The following TACR1 variants were observed in gnomAD, a reference collection of about 807,000 sequenced individuals.
The protein encoded by TACR1 is tachykinin receptor 1.
TACR1 carries 25 observed loss-of-function variants against 35.8 expected under a neutral mutation model. The observed-to-expected ratio is 0.70, with a 90% CI of 0.51 to 0.98. The LOEUF is 0.98. TACR1 is among the 50% of genes least tolerant of loss of function. The probability of loss-of-function intolerance (pLI) is 0.00; values close to 1 mark genes in which losing one functional copy is unlikely to be tolerated. For synonymous variants in TACR1, 195 were observed against 206.7 expected, an observed-to-expected ratio of 0.94 and a Z score of 0.48; for missense variants, 478 against 522.9, an observed-to-expected ratio of 0.91 and a Z score of 0.84.
intron 1 of TACR1, among the ~76,000 whole-genome samples, chr2:75,135,517 G>A (rs1674263815): frequency 1.3e-5 from 2 of 152,144 alleles, no homozygotes; most frequent in Non-Finnish European, 2.9e-5. Flanking sequence ...CCCGGCGCCC[G>A]TGCTATCCGT....
chr2:75,052,142 C>T (rs1672481213), intron 3 of TACR1, among the ~76,000 whole-genome samples: 1 of 152,218 alleles, frequency 6.6e-6, no homozygotes, highest in Non-Finnish European at 1.5e-5. Context: ...AATCCTAACC[C>T]CTAAGGTGAT....
At chr2:75,190,263 G>T (rs1444662704) in intron 1 of TACR1, among the ~76,000 whole-genome samples, 1 of 152,178 alleles carries the variant, frequency 6.6e-6, no homozygotes, top group Non-Finnish European at 1.5e-5. Flanking sequence ...TGACATAAAG[G>T]ATTGGAAATG....
At chr2:75,189,361 G>C (rs1675789926) in intron 1 of TACR1, 1 of 152,200 alleles carries the variant, frequency 6.6e-6, no homozygotes, top group Admixed American at 6.5e-5. Context: ...TGCCACTTTT[G>C]TTTGTATGAC....
Position 75,049,551 on chromosome 2 carries a change from G to T in TACR1, c.1105C>A (p.Pro369Thr), listed in dbSNP as rs776875476. ...GGTGTGGCCTTGGGGCCGTCCTCTG[G>T]CTCCTCCTCGTGGGCCCCCACCACT... Reference protein sequence around the residue: ...STVVGAHEEEPEDGPKATPSS... With the variant: ...STVVGAHEEETEDGPKATPSS... The change falls in exon 5 of 5, where the codon CCA becomes ACA. Residue 369 changes from proline (P) to threonine (T), a missense_variant. Pro to Thr is a conservative substitution (Grantham distance 38, BLOSUM62 -1). Coordinates refer to ENST00000305249, the MANE Select transcript of TACR1 (RefSeq NM_001058.4). 10 of 1,614,032 alleles carry T rather than the reference G, an allele frequency of 6.2e-6. No individual in the cohort carries two copies. Among genetic ancestry groups the T allele is most frequent in the Non-Finnish European group, 8.5e-6 (10 of 1,180,002 alleles).
At chr2:75,054,272 A>G (rs943335961) in intron 2 of TACR1, among the ~76,000 whole-genome samples, 7 of 152,254 alleles carry the variant, frequency 4.6e-5, no homozygotes, top group Non-Finnish European at 7.3e-5. Flanking sequence ...GAGAACTACC[A>G]TGATGGTTGA....
chr2:75,130,112 G>T (rs1268427975), intron 1 of TACR1, among the ~76,000 whole-genome samples: 1 of 152,194 alleles, frequency 6.6e-6, no homozygotes, highest in Admixed American at 6.5e-5. Flanking sequence ...ATATCTTAAT[G>T]TATTGCATTA....
At chr2:75,069,925 T>C (rs964295152) in intron 2 of TACR1, among the ~76,000 whole-genome samples, 2 of 151,846 alleles carry the variant, frequency 1.3e-5, no homozygotes, top group Non-Finnish European at 2.9e-5. Flanking sequence ...TTCCATACTC[T>C]AATCTTTGGA....
At chr2:75,080,346 A>G (rs1189954597) in intron 2 of TACR1, among the ~76,000 whole-genome samples, 2 of 152,198 alleles carry the variant, frequency 1.3e-5, no homozygotes, top group African/African-American at 2.4e-5. Flanking sequence ...GCACACACAC[A>G]TGCAGGCATA....
At chr2:75,133,338 CT>C (rs1674215015) in intron 1 of TACR1, among the ~76,000 whole-genome samples, 1 of 150,424 alleles carries the variant, frequency 6.6e-6, no homozygotes, top group Non-Finnish European at 1.5e-5. Flanking sequence ...TTTCATTTTT[CT>C]TTTGTCTAAT....
At chr2:75,194,076 C>T (rs953848404) in intron 1 of TACR1, among the ~76,000 whole-genome samples, 1 of 152,110 alleles carries the variant, frequency 6.6e-6, no homozygotes, top group African/African-American at 2.4e-5. Flanking sequence ...TCTTTATTTG[C>T]CTCCAATTCA....
At chr2:75,161,159 C>G (rs1675000166) in intron 1 of TACR1, among the ~76,000 whole-genome samples, 1 of 152,000 alleles carries the variant, frequency 6.6e-6, no homozygotes, top group South Asian at 2.1e-4. Flanking sequence ...ACCAAACCCC[C>G]CAAAACAAAC....
At chr2:75,147,404 T>G (rs1383682665) in intron 1 of TACR1, among the ~76,000 whole-genome samples, 1 of 152,192 alleles carries the variant, frequency 6.6e-6, no homozygotes, top group Non-Finnish European at 1.5e-5. Flanking sequence ...CCCTATAAAG[T>G]GTATTTTTAA....
intron 2 of TACR1, among the ~76,000 whole-genome samples, chr2:75,055,859 T>G (rs1409532570): frequency 2.0e-5 from 3 of 152,166 alleles, no homozygotes; most frequent in Admixed American, 1.3e-4. Context: ...GCCTGAGAAT[T>G]TGCATTTCTA....
intron 2 of TACR1, among the ~76,000 whole-genome samples, chr2:75,084,806 AT>A (rs1673160276): frequency 6.6e-6 from 1 of 151,870 alleles, no homozygotes; most frequent in Admixed American, 6.6e-5. Flanking sequence ...AGTCTATTTG[AT>A]TCTTCTCTCT....
chr2:75,162,239 C>A (rs1223795686), intron 1 of TACR1, among the ~76,000 whole-genome samples: 3 of 152,054 alleles, frequency 2.0e-5, no homozygotes, highest in Non-Finnish European at 4.4e-5. Context: ...ATACAGCCAT[C>A]CAATTAAAAG....
intron 1 of TACR1, among the ~76,000 whole-genome samples, chr2:75,130,932 A>G (rs762832890): frequency 1.5e-4 from 23 of 152,174 alleles, no homozygotes; most frequent in Admixed American, 4.6e-4. Context: ...TTCAATTCCA[A>G]TGTTTCTTGT....
intron 2 of TACR1, among the ~76,000 whole-genome samples, chr2:75,072,271 G>C (rs1037319030): frequency 1.3e-5 from 2 of 152,192 alleles, no homozygotes; most frequent in African/African-American, 4.8e-5. Context: ...GCCAGGTCAA[G>C]GATGCAGGAC....
rs147728118 is a variant in TACR1 at position 75,181,683 on chromosome 2, T to C, written c.389+16863A>G. ...TAGTTGGGGTGGTAATGAATTACCA[T>C]AGTGCTTATAAGTTGTGATTTTATG... On this transcript the variant is annotated intron_variant, in intron 1 of 4. Transcript: ENST00000305249. 7.1e-3 allele frequency among the ~76,000 whole-genome samples: 1,086 copies of C among 152,314 alleles called. 52 individuals carry two copies. Among genetic ancestry groups the C allele is most frequent in the Admixed American group, 0.054 (820 of 15,302 alleles).
intron 2 of TACR1, among the ~76,000 whole-genome samples, chr2:75,110,513 T>C (rs189358897): frequency 3.0e-4 from 45 of 152,094 alleles, no homozygotes; most frequent in African/African-American, 9.4e-4. Context: ...TCCAGACTTT[T>C]TACCTATAAT....
Sources: allele counts gnomAD v4.1 joint callset (sites outside exome capture counted in the v4.1 genomes callset), GRCh38; gene constraint gnomAD v4.1.1; transcripts MANE v1.5; gene names NCBI Gene and HGNC (gene_info 2026-07-23, HGNC 2026-07-21).